The following TECPR2 variants were observed in gnomAD, a reference collection of about 807,000 sequenced individuals.
The protein encoded by TECPR2 is tectonin beta-propeller repeat-containing protein 2.
Under a neutral mutation model 138.1 loss-of-function variants are expected in TECPR2, and 65 were observed. The observed-to-expected ratio is 0.47, with a 90% CI of 0.39 to 0.58. The LOEUF is 0.58. Among genes scored for constraint, TECPR2 ranks in the 20% least tolerant of loss-of-function variants. The probability of loss-of-function intolerance (pLI) is 0.00; values close to 1 mark genes in which losing one functional copy is unlikely to be tolerated. For synonymous variants in TECPR2, 746 were observed against 749.8 expected, an observed-to-expected ratio of 0.99 and a Z score of 0.08; for missense variants, 1,553 against 1,824.5, an observed-to-expected ratio of 0.85 and a Z score of 2.71.
intron 4 of TECPR2, among the ~76,000 whole-genome samples, chr14:102,409,150 C>T (rs1328459216): frequency 1.3e-5 from 2 of 152,218 alleles, no homozygotes; most frequent in Non-Finnish European, 2.9e-5. Flanking sequence ...TGCTTCGACG[C>T]CCGTGCCTTT....
At chr14:102,484,856 C>T (rs1385625657) in intron 17 of TECPR2, among the ~76,000 whole-genome samples, 3 of 152,156 alleles carry the variant, frequency 2.0e-5, no homozygotes, top group African/African-American at 7.2e-5. Context: ...CAGGGTTTCG[C>T]CATGTTAGTC....
intron 11 of TECPR2, 115 bp downstream of exon 11, chr14:102,440,724 T>C: frequency 7.8e-7 from 1 of 1,288,750 alleles, no homozygotes; most frequent in East Asian, 2.5e-5. Context: ...GCTAAATCCA[T>C]TCGAATTAAG....
At chr14:102,368,939 T>G (rs947107905) in intron 1 of TECPR2, among the ~76,000 whole-genome samples, 8 of 152,218 alleles carry the variant, frequency 5.3e-5, no homozygotes, top group African/African-American at 1.9e-4. Context: ...ATACTAGGAT[T>G]TCAGCTTGAA....
chr14:102,393,086 C>T (rs117988988), intron 2 of TECPR2, among the ~76,000 whole-genome samples: 382 of 152,228 alleles, frequency 2.5e-3, no homozygotes, highest in East Asian at 7.5e-3. Flanking sequence ...TCATCTACTC[C>T]GCTCTGAAAA....
At chr14:102,475,200 A>T (rs1004390583) in intron 17 of TECPR2, among the ~76,000 whole-genome samples, 26 of 152,222 alleles carry the variant, frequency 1.7e-4, no homozygotes, top group Non-Finnish European at 3.1e-4. Flanking sequence ...CACTGGTACA[A>T]GAAAGGCAAG....
chr14:102,431,700 C>T (rs1173780158), intron 7 of TECPR2, 96 bp from the exon 8 acceptor site: 2 of 1,257,960 alleles, frequency 1.6e-6, no homozygotes, highest in African/African-American at 3.0e-5. Flanking sequence ...GCTGGTGCCT[C>T]TGTGACAACT....
intron 5 of TECPR2, among the ~76,000 whole-genome samples, 184 bp downstream of exon 5, chr14:102,414,977 A>G (rs1187374676): frequency 6.6e-6 from 1 of 152,160 alleles, no homozygotes; most frequent in Non-Finnish European, 1.5e-5. Context: ...GAGGCAGACA[A>G]GAAGAGTGTG....
chr14:102,431,532 C>G (rs191563597), intron 7 of TECPR2, among the ~76,000 whole-genome samples: 45 of 152,038 alleles, frequency 3.0e-4, no homozygotes, highest in South Asian at 2.9e-3. Context: ...TTAGTAGAGA[C>G]GGGGTTTCAC....
rs1188082616 is a variant in TECPR2 at position 102,477,934 on chromosome 14, CAAAAAAAAAAA to C, written c.3789+12658_3789+12668del. ...TGGGTGACAGAGCGAGACTCCGTCT[CAAAAAAAAAAA>C]AAAAAAAAAAAAGAGTTAGCCAGGA... On this transcript the variant is annotated intron_variant, in intron 17 of 19. Coordinates refer to ENST00000359520, the MANE Select transcript of TECPR2 (RefSeq NM_014844.5). Among the ~76,000 whole-genome samples the C allele has an allele frequency of 3.8e-4, 17 of 44,636 alleles. No individual in the cohort carries two copies. The South Asian group carries it at 0.019, about 50-fold the overall frequency. 29.3% of individuals were successfully genotyped at this position (44,636 alleles called of 152,430 possible).
At chr14:102,445,690 G>A (rs558476059) in intron 12 of TECPR2, 116 bp from the exon 13 acceptor site, 1 of 1,349,692 alleles carries the variant, frequency 7.4e-7, no homozygotes, top group East Asian at 2.4e-5. Context: ...TCCGCTCCAG[G>A]GCCACGTCTC....
intron 15 of TECPR2, among the ~76,000 whole-genome samples, chr14:102,451,464 G>T (rs1030302638): frequency 2.0e-5 from 3 of 152,186 alleles, no homozygotes; most frequent in Admixed American, 6.5e-5. Flanking sequence ...AGAAATCTCT[G>T]AAAACAATGT....
At position 102,428,285 on chromosome 14, in the gene TECPR2, T is replaced by C. The variant is rs1010583798; in HGVS notation, c.987T>C (p.Ile329=). 1.4e-5 allele frequency: 22 copies of C among 1,610,490 alleles called. No homozygotes were observed. The highest frequency in any genetic ancestry group is 1.5e-5 in the Non-Finnish European group (18 of 1,179,152). ...CTGGTTTGGAAGGATCCGGTGATAT[T>C]GTGTCTGTTTCGTGCACAGAAAATG... The part of the protein sequence containing the change: ...TVAGLEGSGD[I]VSVSCTENEI... The change falls in exon 7 of 20, where the codon ATT becomes ATC. Residue 329 remains isoleucine (I), a synonymous_variant. Coordinates refer to ENST00000359520, the MANE Select transcript of TECPR2 (RefSeq NM_014844.5).
Position 102,476,206 on chromosome 14 carries a change from C to CA in TECPR2, c.3789+10942dup, listed in dbSNP as rs58293049. Among the ~76,000 whole-genome samples, 346 of 59,614 alleles carry CA rather than the reference C, an allele frequency of 5.8e-3. 3 individuals carry two copies. Among genetic ancestry groups the CA allele is most frequent in the African/African-American group, 0.012 (164 of 13,806 alleles). 39.1% of individuals were successfully genotyped at this position (59,614 alleles called of 152,430 possible). On this transcript the variant is annotated intron_variant, in intron 17 of 19. Transcript: ENST00000359520. ...TGGGCAACAGAGCGAGACTCTGTCT[C>CA]AAAAAAAAAAAAAAAAAAAAAAAAA...
intron 12 of TECPR2, among the ~76,000 whole-genome samples, chr14:102,445,276 A>G (rs1889941405): frequency 6.6e-6 from 1 of 152,262 alleles, no homozygotes; most frequent in South Asian, 2.1e-4. Context: ...GCCTAGGTCC[A>G]GCTGCACAGA....
chr14:102,482,962 G>A (rs1250133388), intron 17 of TECPR2, among the ~76,000 whole-genome samples: 1 of 148,522 alleles, frequency 6.7e-6, no homozygotes, highest in African/African-American at 2.5e-5. Context: ...TCCTGCCTCA[G>A]CCTCCCGAGT....
intron 2 of TECPR2, among the ~76,000 whole-genome samples, chr14:102,397,194 CAA>C (rs1489380611): frequency 1.3e-5 from 2 of 152,064 alleles, no homozygotes; most frequent in South Asian, 2.1e-4. Context: ...CTACAGTAAA[CAA>C]AAAGAATCAC....
In TECPR2 at chr14:102,425,133, G is replaced by A; in HGVS notation, c.793G>A (p.Val265Ile). Residue 265 changes from valine to isoleucine, a missense_variant, in exon 6 of 20, where the codon GTC (valine) becomes ATC (isoleucine). Transcript: ENST00000359520. ...FILKDAFAGGVKPFELHPRLE... is the reference protein window; with the variant it reads ...FILKDAFAGGIKPFELHPRLE... ...CTTAAAAGATGCTTTTGCCGGGGGA[G>A]TCAAGCCTTTTGAACTGCACCCGCG... 6.2e-7 allele frequency: 1 copy of A among 1,614,166 alleles called. No homozygotes were observed. Among genetic ancestry groups the A allele is most frequent in the African/African-American group, 1.3e-5 (1 of 75,032 alleles).
chr14:102,440,389 A>G (rs765860303), intron 10 of TECPR2, 47 bp from the exon 11 acceptor site: 4 of 1,598,310 alleles, frequency 2.5e-6, no homozygotes, highest in Non-Finnish European at 3.4e-6. Context: ...GTATAGAAAT[A>G]TATTCTAGTA....
rs773322093 is a variant in TECPR2, at chr14:102,435,193, G to A, written c.2376G>A (p.Gly792=). ...DLSRLGAEDA[G]LLKPDQFAES... ...GCCGGCTGGGTGCAGAGGACGCCGG[G>A]CTGCTCAAGCCAGATCAGGTATGTG... Residue 792 remains glycine, a synonymous_variant, in exon 9 of 20, where the codon GGG becomes GGA. Coordinates refer to ENST00000359520, the MANE Select transcript of TECPR2 (RefSeq NM_014844.5). The A allele has an allele frequency of 2.5e-6, 4 of 1,610,694 alleles. No homozygotes were observed. The South Asian group carries it at 4.4e-5, about 18-fold the overall frequency.
Sources: gnomAD v4.1 joint callset for allele counts (sites outside exome capture counted in the v4.1 genomes callset) on GRCh38, gnomAD v4.1.1 for gene constraint, MANE v1.5 for transcripts, NCBI Gene and HGNC (gene_info 2026-07-23, HGNC 2026-07-21) for gene names.